The following PDZD2 variants were observed in gnomAD, a reference collection of about 807,000 sequenced individuals.
The protein encoded by PDZD2 is PDZ domain containing 2.
A neutral mutation model predicts 220.7 loss-of-function variants in PDZD2; 90 were observed. The ratio of observed to expected loss-of-function variants is 0.41; its 90% CI spans 0.34 to 0.49. PDZD2 has a LOEUF of 0.49. Ranked by LOEUF, PDZD2 falls within the 20% of genes least tolerant of loss-of-function variation. The pLI is 0.28. For missense variants in PDZD2, 3,174 were observed against 3,608.5 expected, an observed-to-expected ratio of 0.88 and a Z score of 3.08; for synonymous variants, 1,375 against 1,450.5, an observed-to-expected ratio of 0.95 and a Z score of 1.18.
intron 1 of PDZD2, among the ~76,000 whole-genome samples, chr5:31,785,650 C>T (rs957262498): frequency 1.2e-4 from 18 of 151,926 alleles, no homozygotes; most frequent in African/African-American, 2.7e-4. Flanking sequence ...CATGTTGCCC[C>T]GGCTGCTCTT....
chr5:31,912,340 G>A (rs533857425), intron 2 of PDZD2, among the ~76,000 whole-genome samples: 184 of 151,854 alleles, frequency 1.2e-3, no homozygotes, highest in Non-Finnish European at 1.8e-3. Context: ...ACTCATGAGC[G>A]CTCCTCTTTC....
chr5:31,794,393 C>CTTTTTTTTTT (rs34331530), intron 1 of PDZD2, among the ~76,000 whole-genome samples: 1 of 105,288 alleles, frequency 9.5e-6, no homozygotes, highest in Non-Finnish European at 1.9e-5. Flanking sequence ...TTCTTTCTTT[C>CTTTTTTTTTT]TTTTTTTTTT....
chr5:31,831,821 G>A (rs1756610674), intron 2 of PDZD2, among the ~76,000 whole-genome samples: 2 of 148,214 alleles, frequency 1.3e-5, no homozygotes, highest in Non-Finnish European at 3.0e-5. Context: ...GGCTAAGGCA[G>A]GAGAATCACT....
At chr5:31,995,085 C>T (rs1751522014) in intron 3 of PDZD2, among the ~76,000 whole-genome samples, 1 of 152,144 alleles carries the variant, frequency 6.6e-6, no homozygotes, top group Non-Finnish European at 1.5e-5. Context: ...TAATTAGTAG[C>T]TGTGCAGAAG....
chr5:31,850,188 A>C (rs1757947127), intron 2 of PDZD2, among the ~76,000 whole-genome samples: 2 of 133,794 alleles, frequency 1.5e-5, no homozygotes, highest in South Asian at 4.6e-4. Context: ...ATATATAAGT[A>C]TATATGTATA....
intron 2 of PDZD2, among the ~76,000 whole-genome samples, chr5:31,922,699 T>A (rs2150381390): frequency 6.6e-6 from 1 of 152,194 alleles, no homozygotes; most frequent in South Asian, 2.1e-4. Flanking sequence ...GATGGAGTCT[T>A]ACTCTGTCTA....
chr5:31,816,253 A>T (rs1016484241), intron 2 of PDZD2, among the ~76,000 whole-genome samples: 2 of 146,134 alleles, frequency 1.4e-5, no homozygotes, highest in Non-Finnish European at 3.0e-5. Flanking sequence ...GCGCCACTGC[A>T]CTCCAGCCTG....
At chr5:31,688,492 T>C (rs1176031800) in intron 1 of PDZD2, among the ~76,000 whole-genome samples, 3 of 152,196 alleles carry the variant, frequency 2.0e-5, no homozygotes, top group Non-Finnish European at 4.4e-5. Context: ...CTTATCATTC[T>C]TTCCCCCTCT....
At chr5:31,996,792 G>A (rs186354816) in intron 4 of PDZD2, among the ~76,000 whole-genome samples, 1 of 152,270 alleles carries the variant, frequency 6.6e-6, no homozygotes, top group Admixed American at 6.5e-5. Context: ...CAGGTGGGAG[G>A]ATCACTTGAG....
Position 32,087,457 on chromosome 5 carries a change from G to A in PDZD2, c.4009G>A (p.Gly1337Ser), listed in dbSNP as rs1742593682. 1 of 1,614,048 alleles carries A rather than the reference G, an allele frequency of 6.2e-7. No homozygotes were observed. The highest frequency in any genetic ancestry group is 8.5e-7 in the Non-Finnish European group (1 of 1,179,932). ...TGGAGCAGAGGGAATGACACCAGCT[G>A]GTGCTGTCCTGCCAGGAGACCCCCT... ...GPGAEGMTPA[G>S]AVLPGDPLTS... Residue 1337 changes from glycine to serine, a missense_variant, in exon 20 of 25, where the codon GGT (glycine) becomes AGT (serine). Physicochemically the swap from Gly to Ser is moderately conservative, Grantham distance 56. Around this residue, in one of 4 missense-constraint regions of PDZD2, gnomAD observed 1,861 missense variants for 2,001.0 expected, o/e 0.93. Transcript: ENST00000438447. This position sits in a 1 kb window ranked among gnomAD's most constrained non-coding sequence, Gnocchi z 4.0.
intron 2 of PDZD2, among the ~76,000 whole-genome samples, chr5:31,827,188 T>C (rs1344801906): frequency 3.3e-5 from 5 of 152,180 alleles, no homozygotes; most frequent in Non-Finnish European, 7.3e-5. Context: ...TTTCTTAATC[T>C]ATATTTATTC....
intron 14 of PDZD2, among the ~76,000 whole-genome samples, chr5:32,066,307 TGCACTCCA>T (rs1740210331): frequency 1.3e-5 from 2 of 151,726 alleles, no homozygotes; most frequent in African/African-American, 4.8e-5. Context: ...ATCACGCCAC[TGCACTCCA>T]GCCTGGGCAA....
chr5:32,042,977 A>G (rs1023957274), intron 7 of PDZD2, among the ~76,000 whole-genome samples: 4 of 152,222 alleles, frequency 2.6e-5, no homozygotes, highest in Admixed American at 2.6e-4. Context: ...AGAGAAGTTC[A>G]GAGAATCCCA....
chr5:31,658,241 C>T (rs946984139), intron 1 of PDZD2, among the ~76,000 whole-genome samples: 1 of 152,130 alleles, frequency 6.6e-6, no homozygotes, highest in African/African-American at 2.4e-5. Context: ...AAACTTTGAC[C>T]TCCCTGTCTC....
chr5:32,106,823 C>T (rs1744808139), intron 24 of PDZD2, among the ~76,000 whole-genome samples: 2 of 152,144 alleles, frequency 1.3e-5, no homozygotes, highest in South Asian at 4.1e-4. Flanking sequence ...TCAAGAAAAG[C>T]AAGGACTAGG....
At chr5:32,041,448 G>A (rs1182644474) in intron 7 of PDZD2, among the ~76,000 whole-genome samples, 2 of 152,066 alleles carry the variant, frequency 1.3e-5, no homozygotes, top group East Asian at 1.9e-4. Flanking sequence ...TACTGTGTCT[G>A]TGTAGAAAGA....
intron 2 of PDZD2, among the ~76,000 whole-genome samples, chr5:31,833,686 G>A (rs565285426): frequency 6.6e-6 from 1 of 151,274 alleles, no homozygotes; most frequent in African/African-American, 2.4e-5. Flanking sequence ...CAAAGGTGGA[G>A]ATGGAAATGT....
At position 31,849,919 on chromosome 5, in the gene PDZD2, C is replaced by CAT. The variant is rs1188241225; in HGVS notation, c.476+50207_476+50208dup. Reference sequence around the variant, plus strand: ...ATATATATATACATATATATATATACATATATATATATACACATATATATA... The same window carrying CAT: ...ATATATATATACATATATATATATACATATATATATATATACACATATATATA... On this transcript the variant is annotated intron_variant, in intron 2 of 24. Coordinates refer to ENST00000438447, the MANE Select transcript of PDZD2 (RefSeq NM_178140.4). 2.1e-4 allele frequency among the ~76,000 whole-genome samples: 4 copies of CAT among 19,062 alleles called. 1 individual carries two copies. Among genetic ancestry groups the CAT allele is most frequent in the East Asian group, 4.4e-3 (2 of 452 alleles). 12.5% of individuals were successfully genotyped at this position (19,062 alleles called of 152,430 possible).
chr5:31,922,601 G>T (rs1482805164), intron 2 of PDZD2, among the ~76,000 whole-genome samples: 1 of 152,152 alleles, frequency 6.6e-6, no homozygotes, highest in Non-Finnish European at 1.5e-5. Context: ...GAAGGAAGGG[G>T]TTGATTAGCC....
Sources: gnomAD v4.1 joint callset for allele counts (sites outside exome capture counted in the v4.1 genomes callset) on GRCh38, gnomAD v4.1.1 for gene constraint, gnomAD v4.1.1 regional missense constraint, Gnocchi (gnomAD v3.1) non-coding constraint, MANE v1.5 for transcripts, NCBI Gene and HGNC (gene_info 2026-07-23, HGNC 2026-07-21) for gene names.